DLG2: variants seen among roughly 807,000 people sequenced by gnomAD.
DLG2 encodes disks large homolog 2.
Under a neutral mutation model 132.5 loss-of-function variants are expected in DLG2, and 45 were observed. The observed-to-expected ratio is 0.34, with a 90% CI of 0.27 to 0.44. The LOEUF (loss-of-function observed/expected upper bound fraction) is 0.44, where lower values mean the gene tolerates loss of function less well. DLG2 is among the 20% of genes least tolerant of loss of function. The pLI, the probability that DLG2 is intolerant of heterozygous loss-of-function variation, is 1.00. For synonymous variants in DLG2, 424 were observed against 419.6 expected (o/e 1.01, Z -0.13); for missense variants, 1,045 against 1,196.9 (o/e 0.87, Z 1.87).
intron 6 of DLG2, among the ~76,000 whole-genome samples, chr11:85,079,049 T>C (rs2066910170): frequency 6.6e-6 from 1 of 151,856 alleles, no homozygotes; most frequent in African/African-American, 2.4e-5. Context: ...CATCAATCAA[T>C]ACATATAAGT....
At chr11:84,044,898 T>C (rs2096206116) in intron 11 of DLG2, among the ~76,000 whole-genome samples, 1 of 151,766 alleles carries the variant, frequency 6.6e-6, no homozygotes, top group African/African-American at 2.4e-5. Flanking sequence ...CATCTGAGCC[T>C]CTCTAAGCCT....
chr11:84,242,062 A>G (rs2097235995), intron 8 of DLG2, among the ~76,000 whole-genome samples: 1 of 152,210 alleles, frequency 6.6e-6, no homozygotes, highest in African/African-American at 2.4e-5. Context: ...ACTTCTTGGA[A>G]TAAGAGTGGT....
At chr11:84,550,018 A>C (rs548335785) in intron 6 of DLG2, among the ~76,000 whole-genome samples, 1 of 152,060 alleles carries the variant, frequency 6.6e-6, no homozygotes, top group Non-Finnish European at 1.5e-5. Context: ...AAATTCCCAA[A>C]GTGCTGGGAT....
chr11:84,308,004 C>G (rs2098244114), intron 7 of DLG2, among the ~76,000 whole-genome samples: 1 of 152,098 alleles, frequency 6.6e-6, no homozygotes, highest in South Asian at 2.1e-4. Flanking sequence ...CAGTGTGGAC[C>G]CAAAGAGTGA....
In DLG2 at chr11:83,814,107, A is replaced by G. The variant is rs138769006; in HGVS notation, c.1722+19507T>C. ...GCCCATCAGACCAAAAAAATATTAG[A>G]ACGTATTTAAAAGAATCAGGATTTC... is the stretch of plus-strand genomic sequence containing the variant. On this transcript the variant is annotated intron_variant, in intron 17 of 27. Coordinates refer to ENST00000376104, the MANE Select transcript of DLG2 (RefSeq NM_001142699.3). Among the ~76,000 whole-genome samples, 937 of 152,282 alleles carry G rather than the reference A, an allele frequency of 6.2e-3. 8 individuals are homozygous for G. Among genetic ancestry groups the G allele is most frequent in the Middle Eastern group, 0.024 (7 of 294 alleles).
chr11:84,367,951 A>G (rs1322957382), intron 7 of DLG2, among the ~76,000 whole-genome samples: 1 of 152,172 alleles, frequency 6.6e-6, no homozygotes, highest in East Asian at 1.9e-4. Flanking sequence ...CCCGTAATAG[A>G]TGCACACATC....
intron 6 of DLG2, among the ~76,000 whole-genome samples, chr11:85,022,912 C>T (rs1205538120): frequency 6.6e-6 from 1 of 152,024 alleles, no homozygotes; most frequent in Non-Finnish European, 1.5e-5. Context: ...ACCTTAATGA[C>T]ATATCCTCCA....
At chr11:84,584,719 C>A (rs1488615417) in intron 6 of DLG2, among the ~76,000 whole-genome samples, 1 of 113,208 alleles carries the variant, frequency 8.8e-6, no homozygotes, top group Admixed American at 1.2e-4. Context: ...GACGGAGTCT[C>A]GCTCTGTCGC....
intron 25 of DLG2, among the ~76,000 whole-genome samples, chr11:83,467,798 T>TAC (rs1209161428): frequency 3.8e-5 from 4 of 105,138 alleles, no homozygotes; most frequent in Non-Finnish European, 5.6e-5. Flanking sequence ...TATATATATA[T>TAC]ATATATATAT....
chr11:85,120,338 C>T (rs986883740), intron 5 of DLG2, among the ~76,000 whole-genome samples: 1 of 151,978 alleles, frequency 6.6e-6, no homozygotes, highest in Non-Finnish European at 1.5e-5. Context: ...TCAGTTTAAA[C>T]AGAACTTTAG....
intron 17 of DLG2, among the ~76,000 whole-genome samples, chr11:83,825,110 CAT>C (rs2052172625): frequency 3.0e-5 from 4 of 135,356 alleles, no homozygotes; most frequent in South Asian, 4.7e-4. Context: ...TATATATAGA[CAT>C]ATATATACAC....
chr11:84,468,997 AAACACTC>A (rs1392118211), intron 7 of DLG2, among the ~76,000 whole-genome samples: 1 of 151,600 alleles, frequency 6.6e-6, no homozygotes, highest in Non-Finnish European at 1.5e-5. Flanking sequence ...GAATCTTCCC[AAACACTC>A]AGACAGGGAC....
chr11:85,125,878 G>T (rs114749817), intron 5 of DLG2, among the ~76,000 whole-genome samples: 24 of 151,884 alleles, frequency 1.6e-4, no homozygotes, highest in African/African-American at 5.8e-4. Flanking sequence ...TCCTTATGGA[G>T]TTTCTGTCTA....
chr11:84,731,294 G>T (rs1236759231), intron 6 of DLG2, among the ~76,000 whole-genome samples: 1 of 151,992 alleles, frequency 6.6e-6, no homozygotes, highest in Non-Finnish European at 1.5e-5. Context: ...CTATGTGCTA[G>T]ACACTAGGCC....
chr11:83,810,910 A>G (rs962321209), intron 17 of DLG2, among the ~76,000 whole-genome samples: 2 of 152,114 alleles, frequency 1.3e-5, no homozygotes, highest in African/African-American at 4.8e-5. Context: ...ATTTTTTCTC[A>G]AAGACCTAAC....
intron 18 of DLG2, among the ~76,000 whole-genome samples, chr11:83,726,515 C>T (rs990857951): frequency 3.3e-5 from 5 of 152,142 alleles, no homozygotes; most frequent in South Asian, 4.1e-4. Flanking sequence ...GCCAATCATA[C>T]GTCTAAATGA....
At chr11:83,807,646 A>T (rs752469863) in intron 17 of DLG2, among the ~76,000 whole-genome samples, 5 of 152,188 alleles carry the variant, frequency 3.3e-5, no homozygotes, top group Non-Finnish European at 7.4e-5. Context: ...GAAGAAATCA[A>T]GGCAATTGAC....
chr11:84,044,197 A>G (rs1371302251), intron 11 of DLG2, among the ~76,000 whole-genome samples: 3 of 151,804 alleles, frequency 2.0e-5, no homozygotes, highest in Admixed American at 1.3e-4. Flanking sequence ...CAATACCTAT[A>G]GGGTTTCTTA....
intron 18 of DLG2, among the ~76,000 whole-genome samples, chr11:83,740,822 C>T (rs781431932): frequency 1.3e-5 from 2 of 152,112 alleles, no homozygotes; most frequent in African/African-American, 4.8e-5. Context: ...TATGCTTTTG[C>T]CATGCCCCCA....
Sources: gnomAD v4.1 joint callset for allele counts (sites outside exome capture counted in the v4.1 genomes callset) on GRCh38, gnomAD v4.1.1 for gene constraint, MANE v1.5 for transcripts, NCBI Gene and HGNC (gene_info 2026-07-23, HGNC 2026-07-21) for gene names.